The following DCHS2 variants were observed in gnomAD, a reference collection of about 807,000 sequenced individuals.
DCHS2 encodes the protein dachsous cadherin-related 2.
DCHS2 carries 142 observed loss-of-function variants against 182.4 expected under a neutral mutation model. The ratio of observed to expected loss-of-function variants is 0.78; its 90% CI spans 0.68 to 0.89. The LOEUF (loss-of-function observed/expected upper bound fraction) is 0.89. Among genes scored for constraint, DCHS2 ranks in the 40% least tolerant of loss-of-function variants. The pLI, the probability that DCHS2 is intolerant of heterozygous loss-of-function variation, is 0.00. For missense variants in DCHS2, 4,319 were observed against 4,198.6 expected, an observed-to-expected ratio of 1.03 and a Z score of -0.79; for synonymous variants, 1,740 against 1,663.3, an observed-to-expected ratio of 1.05 and a Z score of -1.12.
At chr4:154,409,884 A>G (rs1213968412) in intron 1 of DCHS2, among the ~76,000 whole-genome samples, 4 of 152,218 alleles carry the variant, frequency 2.6e-5, no homozygotes, top group Admixed American at 6.5e-5. Flanking sequence ...AGCCTAGCCC[A>G]CTGAAACACC....
chr4:154,235,341 T>A lies in DCHS2; in HGVS notation c.9311A>T (p.Asp3104Val). Residue 3104 changes from aspartate to valine, a missense_variant, in exon 20 of 20, where the codon GAT becomes GTT. By Grantham distance (152) the Asp-to-Val change is radical. Coordinates refer to ENST00000357232, the MANE Select transcript of DCHS2 (RefSeq NM_001358235.2). ...HCSVEGETAE[D>V]KEIQRINEHP... The stretch of plus-strand genomic sequence containing the variant: ...CTCATTTATCCTCTGGATTTCCTTA[T>A]CTTCTGCAGTTTCTCCTTCCACAGA... 2 of 1,613,976 alleles carry A rather than the reference T, an allele frequency of 1.2e-6. No homozygotes were observed. The highest frequency in any genetic ancestry group is 3.3e-5 in the Admixed American group (2 of 59,988).
intron 12 of DCHS2, among the ~76,000 whole-genome samples, chr4:154,302,786 C>CTTTCATATATATATACTTATATATA (rs1280515860): frequency 9.4e-5 from 13 of 137,588 alleles, no homozygotes; most frequent in East Asian, 2.1e-4. Flanking sequence ...GGGAGGATGC[C>CTTTCATATATATATACTTATATATA]TTTCATATAT....
In DCHS2 at chr4:154,457,470, T is replaced by A. The variant is rs141156826; in HGVS notation, c.2052+31834A>T. ...GCCTGGTTCCTCTAGCTCCCATCAC[T>A]ATGGCCTTAATGCTTCCGTGGCAAC... On this transcript the variant is annotated intron_variant, in intron 1 of 19. Transcript: ENST00000357232. Among the ~76,000 whole-genome samples, 300 of 152,302 alleles carry A rather than the reference T, an allele frequency of 2.0e-3. 1 individual carries two copies. Among genetic ancestry groups the A allele is most frequent in the African/African-American group, 6.8e-3 (282 of 41,580 alleles).
At chr4:154,470,617 G>A (rs1735424047) in intron 1 of DCHS2, among the ~76,000 whole-genome samples, 1 of 152,046 alleles carries the variant, frequency 6.6e-6, no homozygotes, top group Admixed American at 6.6e-5. Context: ...TATTTACTTA[G>A]AGTACAAAGT....
At chr4:154,257,034 G>C (rs1435571833) in intron 15 of DCHS2, among the ~76,000 whole-genome samples, 1 of 152,154 alleles carries the variant, frequency 6.6e-6, no homozygotes, top group Non-Finnish European at 1.5e-5. Flanking sequence ...TGGATTACGA[G>C]GTTAAGAGAT....
intron 10 of DCHS2, among the ~76,000 whole-genome samples, chr4:154,312,310 T>C (rs964398106): frequency 6.6e-6 from 1 of 152,194 alleles, no homozygotes; most frequent in African/African-American, 2.4e-5. Context: ...TGCCCCTGGA[T>C]TAATTAGATT....
intron 3 of DCHS2, among the ~76,000 whole-genome samples, chr4:154,353,467 A>T (rs1729714001): frequency 6.6e-6 from 1 of 152,238 alleles, no homozygotes; most frequent in African/African-American, 2.4e-5. Flanking sequence ...TATGTTGTGT[A>T]TAAGAAGCAC....
chr4:154,331,562 C>T, intron 5 of DCHS2: 1 of 1,591,348 alleles, frequency 6.3e-7, no homozygotes, highest in Non-Finnish European at 8.6e-7. Context: ...TGAAAACCCT[C>T]CATCTGCTGT....
At chr4:154,268,630 T>C (rs528416329) in intron 14 of DCHS2, among the ~76,000 whole-genome samples, 1 of 152,332 alleles carries the variant, frequency 6.6e-6, no homozygotes, top group Admixed American at 6.5e-5. Context: ...AAGGGTGGGC[T>C]ACCTTAATGT....
chr4:154,377,294 C>A lies in DCHS2; in HGVS notation c.2203G>T (p.Asp735Tyr), dbSNP rs763717362. 5.0e-6 allele frequency: 8 copies of A among 1,613,602 alleles called. No individual in the cohort carries two copies. The highest frequency in any genetic ancestry group is 6.8e-6 in the Non-Finnish European group (8 of 1,179,696). ...ACCAGGAGATCATAGGTAGCTGGAT[C>A]CCTTTCCCTGTCGATATCTTGAGAA... Reference protein sequence around the residue: ...CVSQDIDRERDPATYDLLVEA... With the variant: ...CVSQDIDRERYPATYDLLVEA... Residue 735 changes from aspartate (D) to tyrosine (Y), a missense_variant, in exon 2 of 20, where the codon GAT (aspartate) becomes TAT (tyrosine). Physicochemically the swap from Asp to Tyr is radical, Grantham distance 160. Transcript: ENST00000357232.
chr4:154,357,711 C>T lies in DCHS2; in HGVS notation c.2476+8499G>A, dbSNP rs142533198. ...GTCTTGGTAAATTCTTCTTACTGCTCATGCCACTGGCCCCAGATGGTTGCT... is the reference window on the plus strand; with the variant it reads ...GTCTTGGTAAATTCTTCTTACTGCTTATGCCACTGGCCCCAGATGGTTGCT... On this transcript the variant is annotated intron_variant, in intron 3 of 19. Transcript: ENST00000357232. Among the ~76,000 whole-genome samples the T allele has an allele frequency of 2.1e-3, 316 of 152,234 alleles. 3 individuals carry two copies. The highest frequency in any genetic ancestry group is 7.3e-3 in the African/African-American group (303 of 41,548).
chr4:154,371,327 G>A (rs1013952580), intron 2 of DCHS2, among the ~76,000 whole-genome samples: 2 of 152,120 alleles, frequency 1.3e-5, no homozygotes, highest in African/African-American at 2.4e-5. Context: ...AACAAGCAGG[G>A]CACCCAACTC....
intron 7 of DCHS2, chr4:154,323,201 C>T (rs1736144559): frequency 6.5e-7 from 1 of 1,550,144 alleles, no homozygotes; most frequent in Non-Finnish European, 8.7e-7. Context: ...TTATGTTTTC[C>T]TTAAATTGGG....
chr4:154,252,186 T>C (rs1177049624), intron 16 of DCHS2, among the ~76,000 whole-genome samples: 1 of 152,138 alleles, frequency 6.6e-6, no homozygotes, highest in Non-Finnish European at 1.5e-5. Flanking sequence ...TTAATTTTTG[T>C]GGGTACATAG....
At chr4:154,424,232 A>G (rs530707193) in intron 1 of DCHS2, among the ~76,000 whole-genome samples, 2 of 152,330 alleles carry the variant, frequency 1.3e-5, no homozygotes, top group East Asian at 3.9e-4. Flanking sequence ...AAGAAAAAGT[A>G]AATCAGATCC....
intron 1 of DCHS2, among the ~76,000 whole-genome samples, chr4:154,382,262 C>A (rs1731204819): frequency 6.6e-6 from 1 of 152,034 alleles, no homozygotes; most frequent in Admixed American, 6.6e-5. Flanking sequence ...CACCTTTCAC[C>A]ATATACAAAA....
chr4:154,272,103 C>T (rs1733628152), intron 13 of DCHS2: 1 of 152,066 alleles, frequency 6.6e-6, no homozygotes, highest in African/African-American at 2.4e-5. Context: ...AAAATTCATA[C>T]AATTGTTATT....
rs1418307329 is a variant in DCHS2, at chr4:154,235,132, T to A, written c.9520A>T (p.Ser3174Cys). ...ACATTATTTTGAGCACAGGTGGTGC[T>A]GCAGCCTTCCCCTTGATCTCCTTCC... The part of the protein sequence containing the change: ...FGEGDQGEGC[S>C]TTCAQNNVLP... The change falls in exon 20 of 20, where the codon AGC becomes TGC. Residue 3174 changes from serine (S) to cysteine (C), a missense_variant. Physicochemically the swap from Ser to Cys is moderately radical, Grantham distance 112 (BLOSUM62 -1). Transcript: ENST00000357232. 6.2e-7 allele frequency: 1 copy of A among 1,614,020 alleles called. No individual in the cohort carries two copies. Among genetic ancestry groups the A allele is most frequent in the Admixed American group, 1.7e-5 (1 of 60,002 alleles).
At chr4:154,243,082 T>C (rs565719153) in intron 16 of DCHS2, among the ~76,000 whole-genome samples, 2 of 152,268 alleles carry the variant, frequency 1.3e-5, no homozygotes, top group South Asian at 2.1e-4. Context: ...AAGAATAATC[T>C]TAAAAAATAG....
Sources: gnomAD v4.1 joint callset for allele counts (sites outside exome capture counted in the v4.1 genomes callset) on GRCh38, gnomAD v4.1.1 for gene constraint, MANE v1.5 for transcripts, NCBI Gene and HGNC (gene_info 2026-07-23, HGNC 2026-07-21) for gene names.